ZNF628: variants seen among roughly 807,000 people sequenced by gnomAD.
ZNF628 encodes zinc finger protein 628, also known as zinc finger protein Zec.
ZNF628 carries 3 observed loss-of-function variants against 2.5 expected under a neutral mutation model. The observed-to-expected ratio is 1.19, with a 90% confidence interval of 0.54 to 3.07. The LOEUF (loss-of-function observed/expected upper bound fraction) is 3.07, where lower values mean the gene tolerates loss of function less well. ZNF628 is among the 30% of genes most tolerant of loss of function. The pLI, the probability that ZNF628 is intolerant of heterozygous loss-of-function variation, is 0.03. For missense variants in ZNF628, 1,610 were observed against 1,517.1 expected, an observed-to-expected ratio of 1.06 and a Z score of -1.02; for synonymous variants, 861 against 717.1, an observed-to-expected ratio of 1.20 and a Z score of -3.21.
rs777873726 is a variant in ZNF628, at chr19:55,483,078, C to T, written c.1885C>T (p.Arg629Cys). 1 of 1,609,186 alleles carries T rather than the reference C, an allele frequency of 6.2e-7. No homozygotes were observed. Among genetic ancestry groups the T allele is most frequent in the Admixed American group, 1.7e-5 (1 of 59,966 alleles). The change falls in exon 3 of 3, where the codon CGC (arginine) becomes TGC (cysteine). Residue 629 changes from arginine to cysteine, a missense_variant. By Grantham distance (180) the Arg-to-Cys change is radical. Coordinates refer to ENST00000598519, the MANE Select transcript of ZNF628 (RefSeq NM_033113.3). Reference sequence around the variant, plus strand: ...CCCCTTCACCTGCCCCATCTGCGGTCGCGGCTTCGTTATGGCCGCCTATCT... The same window carrying T: ...CCCCTTCACCTGCCCCATCTGCGGTTGCGGCTTCGTTATGGCCGCCTATCT... Reference protein sequence around the residue: ...ERPFTCPICGRGFVMAAYLQR... With the variant: ...ERPFTCPICGCGFVMAAYLQR...
intron 1 of ZNF628, among the ~76,000 whole-genome samples, chr19:55,477,037 A>G (rs1986567714): frequency 6.6e-6 from 1 of 152,210 alleles, no homozygotes; most frequent in African/African-American, 2.4e-5. Flanking sequence ...CTGACTTAAA[A>G]CAATGTTTTT....
rs1314838752 is a variant in ZNF628 at position 55,483,701 on chromosome 19, A to G, written c.2508A>G (p.Pro836=). Residue 836 remains proline, a synonymous_variant, in exon 3 of 3, where the codon CCA becomes CCG. Coordinates refer to ENST00000598519, the MANE Select transcript of ZNF628 (RefSeq NM_033113.3). ...APEVTTVQLQ[P]AQEVTTVQLQ... ...AAGTAACCACGGTCCAGCTCCAGCC[A>G]GCGCAGGAGGTGACCACAGTCCAGC... The G allele has an allele frequency of 6.2e-7, 1 of 1,613,474 alleles. No individual in the cohort carries two copies. The highest frequency in any genetic ancestry group is 2.2e-5 in the East Asian group (1 of 44,868).
Position 55,481,210 on chromosome 19 carries a change from T to C in ZNF628, c.17T>C (p.Val6Ala), listed in dbSNP as rs1277107322. The change falls in exon 3 of 3, where the codon GTC (valine) becomes GCC (alanine). Residue 6 changes from valine (V) to alanine (A), a missense_variant. Val to Ala is a moderately conservative substitution (Grantham distance 64). Coordinates refer to ENST00000598519, the MANE Select transcript of ZNF628 (RefSeq NM_033113.3). MSGVM[V>A]GSHADMAPAS... ...AGAATCCCTCCCCCAGGTGTGATGG[T>C]CGGCTCCCACGCGGACATGGCGCCG... 1.9e-6 allele frequency: 3 copies of C among 1,544,894 alleles called. No individual in the cohort carries two copies. The South Asian group carries it at 3.6e-5, about 19-fold the overall frequency.
rs965160438 is a variant in ZNF628, at chr19:55,481,538, C to G, written c.345C>G (p.Thr115=). 6.2e-7 allele frequency: 1 copy of G among 1,613,082 alleles called. No individual in the cohort carries two copies. The highest frequency in any genetic ancestry group is 2.2e-5 in the East Asian group (1 of 44,854). ...SLLQIHRSVH[T]GLRAFICGQC... ...TGCAGATCCACCGTAGCGTGCACACCGGCCTGCGGGCCTTCATCTGCGGCC... is the reference window on the plus strand; with the variant it reads ...TGCAGATCCACCGTAGCGTGCACACGGGCCTGCGGGCCTTCATCTGCGGCC... The change falls in exon 3 of 3, where the codon ACC becomes ACG. Residue 115 remains threonine (T), a synonymous_variant. Transcript: ENST00000598519.
At position 55,479,131 on chromosome 19, in the gene ZNF628, C is replaced by G. The variant is rs1986635964; in HGVS notation, c.-77-703C>G. The stretch of plus-strand genomic sequence containing the variant: ...GCCGGAGCCCCGGGCGCTCCCACAT[C>G]TAGAGGTCAGGGAGGTGAGAAGGAA... On this transcript the variant is annotated intron_variant, in intron 1 of 2. Transcript: ENST00000598519. This position sits in a 1 kb window ranked among gnomAD's most constrained non-coding sequence, Gnocchi z 5.1. Among the ~76,000 whole-genome samples the G allele has an allele frequency of 6.6e-6, 1 of 152,048 alleles. No individual in the cohort carries two copies. Among genetic ancestry groups the G allele is most frequent in the Admixed American group, 6.6e-5 (1 of 15,262 alleles).
chr19:55,482,264 C>T lies in ZNF628; in HGVS notation c.1071C>T (p.Ala357=). Residue 357 remains alanine, a synonymous_variant, in exon 3 of 3, where the codon GCC becomes GCT. Coordinates refer to ENST00000598519, the MANE Select transcript of ZNF628 (RefSeq NM_033113.3). ...CCGCCGCCCCCGCGCCTGGCTTTGC[C>T]TGTCTGCCCTGCGGCAAGTCCTTCC... is the stretch of plus-strand genomic sequence containing the variant. ...PPAAAPAPGF[A]CLPCGKSFRT... 1 of 1,466,398 alleles carries T rather than the reference C, an allele frequency of 6.8e-7. No homozygotes were observed. The highest frequency in any genetic ancestry group is 1.3e-5 in the South Asian group (1 of 77,556). The allele number at this position is 1,466,398 out of a possible 1,614,324, so 90.8% of individuals were successfully genotyped here.
At position 55,484,372 on chromosome 19, in the gene ZNF628, G is replaced by A. The variant is rs1986851611; in HGVS notation, c.3179G>A (p.Ter1060=). Residue 1060 remains the stop codon, a stop_retained_variant, in exon 3 of 3, where the codon TGA becomes TAA. Transcript: ENST00000598519. ...GCAGTCCAGCTGGTGCACACGTTTT[G>A]AGGAGAGGCAGTGATTCCCCTCCCG... The part of the protein sequence containing the change: ...LPAVQLVHTF[*] The A allele has an allele frequency of 2.8e-6, 4 of 1,445,676 alleles. No homozygotes were observed. Among genetic ancestry groups the A allele is most frequent in the African/African-American group, 1.4e-5 (1 of 69,582 alleles). 89.6% of individuals were successfully genotyped at this position (1,445,676 alleles called of 1,614,324 possible).
Position 55,481,401 on chromosome 19 carries a change from C to T in ZNF628, c.208C>T (p.Pro70Ser). ...GERPYKCPDC[P>S]KAFKGSSALL... is the part of the protein sequence containing the mutation. ...GCGGCCCTACAAGTGCCCAGACTGCCCCAAGGCTTTCAAAGGCTCCTCGGC... is the reference window on the plus strand; with the variant it reads ...GCGGCCCTACAAGTGCCCAGACTGCTCCAAGGCTTTCAAAGGCTCCTCGGC... Residue 70 changes from proline (P) to serine (S), a missense_variant, in exon 3 of 3, where the codon CCC becomes TCC. Pro to Ser is a moderately conservative substitution (Grantham distance 74). Coordinates refer to ENST00000598519, the MANE Select transcript of ZNF628 (RefSeq NM_033113.3). 1 of 1,612,512 alleles carries T rather than the reference C, an allele frequency of 6.2e-7. No individual in the cohort carries two copies. Among genetic ancestry groups the T allele is most frequent in the East Asian group, 2.2e-5 (1 of 44,780 alleles).
Position 55,484,019 on chromosome 19 carries a change from C to A in ZNF628, c.2826C>A (p.Ala942=), listed in dbSNP as rs775519651. ...GLQSVLVLSG[A]DGEQTRLCVQ... is the part of the protein sequence containing the mutation. ...AGAGCGTGCTGGTGCTGAGCGGGGC[C>A]GATGGCGAACAGACTCGACTCTGCG... The change falls in exon 3 of 3, where the codon GCC becomes GCA. Residue 942 remains alanine (A), a synonymous_variant. Coordinates refer to ENST00000598519, the MANE Select transcript of ZNF628 (RefSeq NM_033113.3). The A allele has an allele frequency of 8.2e-6, 13 of 1,593,264 alleles. No individual in the cohort carries two copies. Among genetic ancestry groups the A allele is most frequent in the Non-Finnish European group, 1.1e-5 (13 of 1,169,546 alleles).
Position 55,483,913 on chromosome 19 carries a change from G to T in ZNF628, c.2720G>T (p.Gly907Val). 1 of 1,585,118 alleles carries T rather than the reference G, an allele frequency of 6.3e-7. No individual in the cohort carries two copies. The highest frequency in any genetic ancestry group is 2.3e-5 in the East Asian group (1 of 44,022). ...GAGTTGCTCACTGGCCCGGGCCCCGGGGAGGCGGGGGATGGCGAGGCCAGC... is the reference window on the plus strand; with the variant it reads ...GAGTTGCTCACTGGCCCGGGCCCCGTGGAGGCGGGGGATGGCGAGGCCAGC... Reference protein sequence around the residue: ...AEELLTGPGPGEAGDGEASTG... With the variant: ...AEELLTGPGPVEAGDGEASTG... The change falls in exon 3 of 3, where the codon GGG becomes GTG. Residue 907 changes from glycine (G) to valine (V), a missense_variant. Coordinates refer to ENST00000598519, the MANE Select transcript of ZNF628 (RefSeq NM_033113.3).
chr19:55,482,303 G>T lies in ZNF628; in HGVS notation c.1110G>T (p.Gly370=). The T allele has an allele frequency of 6.8e-7, 1 of 1,469,516 alleles. No individual in the cohort carries two copies. The highest frequency in any genetic ancestry group is 9.0e-7 in the Non-Finnish European group (1 of 1,116,550). 91.0% of individuals were successfully genotyped at this position (1,469,516 alleles called of 1,614,324 possible). ...GCAAGTCCTTCCGGACGGTGGCTGG[G>T]CTCTCCCGCCACCAGCACAGCCACG... The part of the protein sequence containing the change: ...PCGKSFRTVA[G]LSRHQHSHGA... Residue 370 remains glycine, a synonymous_variant, in exon 3 of 3, where the codon GGG becomes GGT. Coordinates refer to ENST00000598519, the MANE Select transcript of ZNF628 (RefSeq NM_033113.3).
rs140299783 is a variant in ZNF628, at chr19:55,477,499, C to T, written c.-78+692C>T. 1.9e-4 allele frequency among the ~76,000 whole-genome samples: 29 copies of T among 152,178 alleles called. No individual in the cohort carries two copies. The East Asian group carries it at 2.1e-3, about 11-fold the overall frequency. On this transcript the variant is annotated intron_variant, in intron 1 of 2. Coordinates refer to ENST00000598519, the MANE Select transcript of ZNF628 (RefSeq NM_033113.3). ...GTTCTTGGCTAGGCGCGGTGGCTCA[C>T]GCCTGTAATCCCAGCACTTTGGGAG...
Position 55,482,937 on chromosome 19 carries a change from C to G in ZNF628, c.1744C>G (p.Arg582Gly). The G allele has an allele frequency of 6.2e-7, 1 of 1,609,386 alleles. No individual in the cohort carries two copies. Among genetic ancestry groups the G allele is most frequent in the Non-Finnish European group, 8.5e-7 (1 of 1,178,832 alleles). Reference protein sequence around the residue: ...GKSFAQTSNLRQHQRVHTGER... With the variant: ...GKSFAQTSNLGQHQRVHTGER... ...GAGCTTCGCGCAGACCTCCAACCTG[C>G]GGCAGCACCAGCGCGTGCACACGGG... is the stretch of plus-strand genomic sequence containing the variant. The change falls in exon 3 of 3, where the codon CGG becomes GGG. Residue 582 changes from arginine (R) to glycine (G), a missense_variant. Around this residue, in one of 5 missense-constraint regions of ZNF628, gnomAD observed 651 missense variants for 575.6 expected, o/e 1.13. Coordinates refer to ENST00000598519, the MANE Select transcript of ZNF628 (RefSeq NM_033113.3).
intron 2 of ZNF628, 66 bp from the exon 3 acceptor site, chr19:55,481,135 G>A: frequency 1.2e-5 from 18 of 1,449,816 alleles, no homozygotes; most frequent in East Asian, 5.0e-5. Flanking sequence ...AAGAGCCCGT[G>A]TGTGGGTTTG....
At position 55,482,107 on chromosome 19, in the gene ZNF628, G is replaced by T; in HGVS notation, c.914G>T (p.Ser305Ile). ...YRCDGCEQGF[S>I]SEELLLEHQP... is the part of the protein sequence containing the mutation. ...TGCGATGGCTGCGAGCAGGGATTCA[G>T]CAGCGAGGAGCTGCTCCTGGAGCAC... is the stretch of plus-strand genomic sequence containing the variant. Residue 305 changes from serine (S) to isoleucine (I), a missense_variant, in exon 3 of 3, where the codon AGC becomes ATC. Coordinates refer to ENST00000598519, the MANE Select transcript of ZNF628 (RefSeq NM_033113.3). The T allele has an allele frequency of 6.6e-7, 1 of 1,509,916 alleles. No homozygotes were observed. Among genetic ancestry groups the T allele is most frequent in the Middle Eastern group, 1.9e-4 (1 of 5,244 alleles). 93.5% of individuals were successfully genotyped at this position (1,509,916 alleles called of 1,614,324 possible).
chr19:55,483,947 G>A lies in ZNF628; in HGVS notation c.2754G>A (p.Val918=). ...GGGATGGCGAGGCCAGCACTGGTGT[G>A]GTCCAGGATGTCCTCTTTGAGACAC... ...EAGDGEASTG[V]VQDVLFETLQ... is the part of the protein sequence containing the mutation. The change falls in exon 3 of 3, where the codon GTG becomes GTA. Residue 918 remains valine, a synonymous_variant. Coordinates refer to ENST00000598519, the MANE Select transcript of ZNF628 (RefSeq NM_033113.3). 6.4e-7 allele frequency: 1 copy of A among 1,570,856 alleles called. No individual in the cohort carries two copies. The highest frequency in any genetic ancestry group is 8.6e-7 in the Non-Finnish European group (1 of 1,156,968).
Position 55,484,115 on chromosome 19 carries a change from C to A in ZNF628, c.2922C>A (p.Leu974=), listed in dbSNP as rs1986840745. ...PPATGPPGQK[L]LIIRSAPATE... The stretch of plus-strand genomic sequence containing the variant: ...CCACCGGCCCACCCGGACAGAAACT[C>A]CTCATCATCCGCAGCGCCCCAGCCA... The change falls in exon 3 of 3, where the codon CTC becomes CTA. Residue 974 remains leucine (L), a synonymous_variant. Coordinates refer to ENST00000598519, the MANE Select transcript of ZNF628 (RefSeq NM_033113.3). The A allele has an allele frequency of 1.9e-6, 3 of 1,592,010 alleles. No individual in the cohort carries two copies. The highest frequency in any genetic ancestry group is 3.5e-5 in the Admixed American group (2 of 57,962).
Position 55,479,212 on chromosome 19 carries a change from GT to G in ZNF628, c.-77-621del, listed in dbSNP as rs1986638552. Among the ~76,000 whole-genome samples the G allele has an allele frequency of 6.6e-6, 1 of 152,148 alleles. No homozygotes were observed. The highest frequency in any genetic ancestry group is 1.5e-5 in the Non-Finnish European group (1 of 68,032). ...TGACGGAGGGCAGTGAGGGAGCGAG[GT>G]ATCCCGGAGGCCAGGGGGAGGCGGG... On this transcript the variant is annotated intron_variant, in intron 1 of 2. Coordinates refer to ENST00000598519, the MANE Select transcript of ZNF628 (RefSeq NM_033113.3). The surrounding 1 kb of genome is among the most constrained non-coding windows in gnomAD (Gnocchi z 5.1).
At chr19:55,480,058 C>CA (rs1235270600) in intron 2 of ZNF628, 141 bp downstream of exon 2, 1 of 394,630 alleles carries the variant, frequency 2.5e-6, no homozygotes, top group African/African-American at 2.1e-5. Context: ...TGGCCACCTG[C>CA]AGCGTTTGTG....
Sources: gnomAD v4.1 joint callset for allele counts (sites outside exome capture counted in the v4.1 genomes callset) on GRCh38, gnomAD v4.1.1 for gene constraint, gnomAD v4.1.1 regional missense constraint, Gnocchi (gnomAD v3.1) non-coding constraint, MANE v1.5 for transcripts, NCBI Gene and HGNC (gene_info 2026-07-23, HGNC 2026-07-21) for gene names.